The following MICU2 variants were observed in gnomAD, a reference collection of about 807,000 sequenced individuals.
MICU2 encodes calcium uptake protein 2, mitochondrial.
Under a neutral mutation model 60.4 loss-of-function variants are expected in MICU2, and 64 were observed. That is an observed-to-expected ratio of 1.06 (90% confidence interval 0.87 to 1.31). The LOEUF is 1.31. Among genes scored for constraint, MICU2 ranks in the 50% most tolerant of loss-of-function variants. MICU2 has a pLI of 0.00. For synonymous variants in MICU2, 201 were observed against 175.0 expected (o/e 1.15, Z -1.17); for missense variants, 569 against 531.0 (o/e 1.07, Z -0.70).
At chr13:21,499,509 A>T (rs1886089817) in intron 9 of MICU2, among the ~76,000 whole-genome samples, 1 of 151,062 alleles carries the variant, frequency 6.6e-6, no homozygotes, top group Non-Finnish European at 1.5e-5. Context: ...TCCTGGGTTC[A>T]CACCAATTCT....
At chr13:21,550,039 T>C (rs993065075) in intron 2 of MICU2, among the ~76,000 whole-genome samples, 6 of 152,236 alleles carry the variant, frequency 3.9e-5, no homozygotes, top group Admixed American at 3.3e-4. Context: ...AGCACTGTTT[T>C]AGTTTTCCCT....
chr13:21,558,991 T>C (rs553425351), intron 2 of MICU2, among the ~76,000 whole-genome samples: 7 of 152,282 alleles, frequency 4.6e-5, no homozygotes, highest in Non-Finnish European at 7.4e-5. Flanking sequence ...CTGCACCAGT[T>C]TGGAATAAAT....
intron 1 of MICU2, among the ~76,000 whole-genome samples, chr13:21,571,876 A>G (rs901428276): frequency 6.6e-6 from 1 of 152,240 alleles, no homozygotes; most frequent in African/African-American, 2.4e-5. Context: ...TGTGACAAAA[A>G]TGGACAGAGC....
intron 1 of MICU2, among the ~76,000 whole-genome samples, chr13:21,575,728 T>G (rs1454791935): frequency 4.1e-5 from 1 of 24,410 alleles, no homozygotes; most frequent in Non-Finnish European, 6.5e-5. Context: ...AGACTCTGTC[T>G]CAAAAAAAAA....
At position 21,543,670 on chromosome 13, in the gene MICU2, T is replaced by TACAGACGAATGGAAAA. The variant is rs1887336873; in HGVS notation, c.359-3998_359-3983dup. ...CACTGACGAAAGAAACCGAGGAGGATACAGACGAATGGAAAAACATCCCCG... is the reference window on the plus strand; with the variant it reads ...CACTGACGAAAGAAACCGAGGAGGATACAGACGAATGGAAAAACAGACGAATGGAAAAACATCCCCG... On this transcript the variant is annotated intron_variant, in intron 2 of 11. Transcript: ENST00000382374. 2.0e-5 allele frequency among the ~76,000 whole-genome samples: 3 copies of TACAGACGAATGGAAAA among 152,056 alleles called. No homozygotes were observed. The South Asian group carries it at 6.2e-4, about 31-fold the overall frequency.
chr13:21,578,918 T>C (rs537611539), intron 1 of MICU2, among the ~76,000 whole-genome samples: 2 of 152,346 alleles, frequency 1.3e-5, no homozygotes, highest in African/African-American at 4.8e-5. Flanking sequence ...ATAGAAATCA[T>C]GGAATCTTAG....
intron 1 of MICU2, among the ~76,000 whole-genome samples, chr13:21,586,440 G>A (rs1238208231): frequency 6.6e-6 from 1 of 152,002 alleles, no homozygotes; most frequent in African/African-American, 2.4e-5. Context: ...TAGGGTCTTG[G>A]TCTGCCGTCT....
chr13:21,547,950 G>A (rs2138013493), intron 2 of MICU2, among the ~76,000 whole-genome samples: 1 of 152,198 alleles, frequency 6.6e-6, no homozygotes, highest in African/African-American at 2.4e-5. Context: ...CAGTGTTCAG[G>A]GAACAAGTCA....
chr13:21,595,224 T>C (rs1336840728), intron 1 of MICU2, among the ~76,000 whole-genome samples: 1 of 152,218 alleles, frequency 6.6e-6, no homozygotes, highest in Non-Finnish European at 1.5e-5. Flanking sequence ...CACACTTCTT[T>C]GCTTGGTGAT....
At chr13:21,504,331 C>T (rs1441141910) in intron 8 of MICU2, among the ~76,000 whole-genome samples, 1 of 151,876 alleles carries the variant, frequency 6.6e-6, no homozygotes, top group Non-Finnish European at 1.5e-5. Flanking sequence ...CTGAATTAGG[C>T]AAGCAGAAGA....
At chr13:21,496,923 G>A (rs367899821) in intron 9 of MICU2, among the ~76,000 whole-genome samples, 15 of 152,014 alleles carry the variant, frequency 9.9e-5, no homozygotes, top group East Asian at 5.8e-4. Context: ...TTAGCCGGGC[G>A]TGGTGGCAGG....
intron 1 of MICU2, among the ~76,000 whole-genome samples, chr13:21,582,643 T>G (rs909595499): frequency 2.3e-4 from 35 of 152,230 alleles, no homozygotes; most frequent in Admixed American, 1.9e-3. Flanking sequence ...TGCTCCACCC[T>G]GACTCATTCT....
At chr13:21,525,913 CTTATTTATTTATTTATTTATTTATTTAT>C (rs60527711) in intron 4 of MICU2, among the ~76,000 whole-genome samples, 1 of 144,238 alleles carries the variant, frequency 6.9e-6, no homozygotes. Context: ...GTGATGTAGT[CTTATTTATTTATTTATTTATTTATTTAT>C]TTATTTATTT....
chr13:21,563,297 T>C (rs1284958374), intron 2 of MICU2, among the ~76,000 whole-genome samples: 1 of 151,862 alleles, frequency 6.6e-6, no homozygotes, highest in African/African-American at 2.4e-5. Flanking sequence ...CTACTAAAAA[T>C]ACAAAAAATT....
intron 1 of MICU2, among the ~76,000 whole-genome samples, chr13:21,571,829 G>C (rs910080496): frequency 2.0e-5 from 3 of 152,214 alleles, no homozygotes; most frequent in African/African-American, 7.2e-5. Flanking sequence ...CTGACAGCTG[G>C]GGAGCCAGAT....
At chr13:21,564,671 G>T (rs958863224) in intron 2 of MICU2, among the ~76,000 whole-genome samples, 5 of 152,078 alleles carry the variant, frequency 3.3e-5, no homozygotes, top group African/African-American at 1.2e-4. Context: ...TAGGGTGGCT[G>T]GGCTCCAGTA....
At chr13:21,592,809 T>G (rs926513181) in intron 1 of MICU2, among the ~76,000 whole-genome samples, 1 of 152,282 alleles carries the variant, frequency 6.6e-6, no homozygotes, top group African/African-American at 2.4e-5. Flanking sequence ...TTGATAAAAT[T>G]CAACATCCCT....
chr13:21,512,842 C>T (rs1254290787), intron 7 of MICU2, among the ~76,000 whole-genome samples: 1 of 152,126 alleles, frequency 6.6e-6, no homozygotes, highest in African/African-American at 2.4e-5. Flanking sequence ...ATGTTTTCTT[C>T]TAAGAGCTCT....
chr13:21,504,969 C>T (rs558117362), intron 8 of MICU2, among the ~76,000 whole-genome samples: 1 of 152,314 alleles, frequency 6.6e-6, no homozygotes, highest in Non-Finnish European at 1.5e-5. Context: ...CTTCATGAAA[C>T]TCAGAAATCC....
Sources: gnomAD v4.1 joint callset for allele counts (sites outside exome capture counted in the v4.1 genomes callset) on GRCh38, gnomAD v4.1.1 for gene constraint, MANE v1.5 for transcripts, NCBI Gene and HGNC (gene_info 2026-07-23, HGNC 2026-07-21) for gene names.